DZIP3: variants seen among roughly 807,000 people sequenced by gnomAD.
The protein encoded by DZIP3 is E3 ubiquitin-protein ligase DZIP3.
Under a neutral mutation model 162.0 loss-of-function variants are expected in DZIP3, and 118 were observed. The observed-to-expected ratio is 0.73, with a 90% CI of 0.63 to 0.85. The LOEUF (loss-of-function observed/expected upper bound fraction) is 0.85, where lower values mean the gene tolerates loss of function less well. Ranked by LOEUF, DZIP3 falls within the 40% of genes least tolerant of loss-of-function variation. DZIP3 has a pLI of 0.00. For missense variants in DZIP3, 1,331 were observed against 1,407.0 expected (o/e 0.95, Z 0.86); for synonymous variants, 438 against 458.6 (o/e 0.96, Z 0.57).
At chr3:108,636,289 C>T (rs950998992) in intron 10 of DZIP3, among the ~76,000 whole-genome samples, 4 of 151,894 alleles carry the variant, frequency 2.6e-5, no homozygotes, top group Admixed American at 1.3e-4. Context: ...AGAATCCTCA[C>T]GTATCTGATA....
At chr3:108,662,412 G>A (rs1213756039) in intron 21 of DZIP3, among the ~76,000 whole-genome samples, 155 bp downstream of exon 21, 1 of 152,158 alleles carries the variant, frequency 6.6e-6, no homozygotes, top group African/African-American at 2.4e-5. Flanking sequence ...CCATATTTTT[G>A]TCTTGCCAAC....
In DZIP3 at chr3:108,644,672, G is replaced by A; in HGVS notation, c.1650G>A (p.Val550=). The A allele has an allele frequency of 6.2e-7, 1 of 1,613,880 alleles. No individual in the cohort carries two copies. Among genetic ancestry groups the A allele is most frequent in the Non-Finnish European group, 8.5e-7 (1 of 1,179,938 alleles). ...LGMMQEDIDK[V]KENPIENISL... ...TGATGCAAGAGGATATTGACAAAGTGAAGGAGAATCCCATTGAGAATATCT... is the reference window on the plus strand; with the variant it reads ...TGATGCAAGAGGATATTGACAAAGTAAAGGAGAATCCCATTGAGAATATCT... Residue 550 remains valine (V), a synonymous_variant, in exon 14 of 33, where the codon GTG becomes GTA. Transcript: ENST00000361582.
At chr3:108,682,593 T>A (rs757749430) in intron 26 of DZIP3, among the ~76,000 whole-genome samples, 2 of 150,422 alleles carry the variant, frequency 1.3e-5, no homozygotes, top group Non-Finnish European at 2.9e-5. Context: ...GAAAAAACAG[T>A]GGTTACCAGA....
chr3:108,629,847 CATT>C (rs1314760117), intron 8 of DZIP3, among the ~76,000 whole-genome samples: 2 of 151,348 alleles, frequency 1.3e-5, no homozygotes, highest in African/African-American at 4.8e-5. Context: ...ATTTCTCAGT[CATT>C]AGACTATTAT....
At chr3:108,617,067 C>T (rs536211352) in intron 5 of DZIP3, among the ~76,000 whole-genome samples, 2 of 152,248 alleles carry the variant, frequency 1.3e-5, no homozygotes, top group East Asian at 3.9e-4. Context: ...AGGAGCTGAA[C>T]TCACAGAAGC....
intron 8 of DZIP3, among the ~76,000 whole-genome samples, chr3:108,631,043 ACACACACACACACT>A (rs1185469715): frequency 6.6e-5 from 6 of 90,242 alleles, no homozygotes; most frequent in Admixed American, 2.5e-4. Context: ...ACACACACAC[ACACACACACACACT>A]CTCTCTCTCT....
At chr3:108,620,598 T>C (rs1019562845) in intron 5 of DZIP3, among the ~76,000 whole-genome samples, 14 of 152,190 alleles carry the variant, frequency 9.2e-5, no homozygotes, top group Non-Finnish European at 1.9e-4. Flanking sequence ...AAATCTCTCT[T>C]ATGACTTTTA....
chr3:108,643,448 G>C (rs1214200008), intron 13 of DZIP3, among the ~76,000 whole-genome samples: 1 of 151,898 alleles, frequency 6.6e-6, no homozygotes, highest in Non-Finnish European at 1.5e-5. Context: ...CGGCAATTTT[G>C]TTAAAAGGCA....
chr3:108,650,587 A>T (rs1399422123), intron 17 of DZIP3, among the ~76,000 whole-genome samples: 1 of 151,828 alleles, frequency 6.6e-6, no homozygotes, highest in East Asian at 1.9e-4. Flanking sequence ...TTTAATGAAC[A>T]TAAAATTTAG....
In DZIP3 at chr3:108,694,810, T is replaced by C. The variant is rs557322117; in HGVS notation, c.*1457T>C. 4.3e-4 allele frequency: 66 copies of C among 152,336 alleles called. No individual in the cohort carries two copies. The highest frequency in any genetic ancestry group is 1.6e-3 in the African/African-American group (65 of 41,580). The allele number at this position is 152,336 out of a possible 1,614,324, so 9.4% of individuals were successfully genotyped here. A position where few individuals can be genotyped will look rare whatever the true frequency, so the allele number is the denominator to read the frequency against. ...ACTTACAACTGCAATTTCACTTTCATTTAGAAAAGAATAAATGTTTCTTAA... is the reference window on the plus strand; with the variant it reads ...ACTTACAACTGCAATTTCACTTTCACTTAGAAAAGAATAAATGTTTCTTAA... On this transcript the variant is annotated 3_prime_UTR_variant, in exon 33 of 33. Coordinates refer to ENST00000361582, the MANE Select transcript of DZIP3 (RefSeq NM_014648.4).
Position 108,677,543 on chromosome 3 carries a change from T to C in DZIP3, c.2828T>C (p.Leu943Ser). The change falls in exon 26 of 33, where the codon TTG becomes TCG. Residue 943 changes from leucine to serine, a missense_variant. This residue lies in a region of DZIP3 where 1,278 missense variants were observed against 1,317.1 expected (regional missense o/e 0.97). Transcript: ENST00000361582. ...QINKVKQGFA[L>S]STLPPVQLPP... is the part of the protein sequence containing the mutation. ...AACAAAGTCAAGCAAGGATTTGCCT[T>C]GAGTACCTTGCCTCCAGTCCAGCTT... 1.9e-6 allele frequency: 3 copies of C among 1,612,800 alleles called. No homozygotes were observed. The highest frequency in any genetic ancestry group is 1.7e-6 in the Non-Finnish European group (2 of 1,179,064).
intron 26 of DZIP3, 102 bp from the exon 27 acceptor site, chr3:108,684,113 TC>T (rs1034883055): frequency 4.6e-5 from 60 of 1,313,652 alleles, no homozygotes; most frequent in Admixed American, 1.7e-4. Context: ...AAATGAGTGT[TC>T]CCCCCGCCAT....
chr3:108,650,271 A>G (rs1942804935), intron 17 of DZIP3, among the ~76,000 whole-genome samples: 1 of 151,860 alleles, frequency 6.6e-6, no homozygotes, highest in Non-Finnish European at 1.5e-5. Flanking sequence ...TGAACAACCA[A>G]AAGTCTTTTC....
At chr3:108,692,621 A>G (rs1172631176) in intron 32 of DZIP3, among the ~76,000 whole-genome samples, 1 of 152,074 alleles carries the variant, frequency 6.6e-6, no homozygotes, top group African/African-American at 2.4e-5. Flanking sequence ...AAAGTTTCCC[A>G]TGTGCCAGTA....
At chr3:108,639,844 AT>A (rs201353629) in intron 12 of DZIP3, among the ~76,000 whole-genome samples, 3,151 of 149,620 alleles carry the variant, frequency 0.021, 106 homozygotes, top group African/African-American at 0.068. Context: ...ATTTGCTTTG[AT>A]TTTTTTTTAA....
upstream of DZIP3, chr3:108,589,530 G>C (rs934522363): frequency 3.7e-6 from 2 of 544,488 alleles, no homozygotes; most frequent in Non-Finnish European, 6.5e-6. Flanking sequence ...CACCCTAGGG[G>C]ACCGTTCTCG....
chr3:108,628,659 A>G (rs1364512004), intron 7 of DZIP3, among the ~76,000 whole-genome samples: 4 of 152,178 alleles, frequency 2.6e-5, no homozygotes, highest in Non-Finnish European at 5.9e-5. Flanking sequence ...TTCAGCACGG[A>G]TTATGGCCAT....
rs975485936 is a variant in DZIP3 at position 108,605,292 on chromosome 3, G to A, written c.-72-43G>A. 6.6e-6 allele frequency: 9 copies of A among 1,363,952 alleles called. No individual in the cohort carries two copies. The Admixed American group carries it at 1.0e-4, about 15-fold the overall frequency. 84.5% of individuals were successfully genotyped at this position (1,363,952 alleles called of 1,614,324 possible). ...TCTGTTTTCATAGTGGGGAGAAAGA[G>A]TGTAACTTTCCTATCTTCATAAAAA... On this transcript the variant is annotated intron_variant, in intron 1 of 32. Transcript: ENST00000361582.
intron 21 of DZIP3, among the ~76,000 whole-genome samples, chr3:108,664,080 G>A (rs1008926396): frequency 1.3e-5 from 2 of 152,140 alleles, no homozygotes; most frequent in East Asian, 3.9e-4. Flanking sequence ...TCTAGAAGAC[G>A]GAATAAGAAA....
Sources: allele counts gnomAD v4.1 joint callset (sites outside exome capture counted in the v4.1 genomes callset), GRCh38; gene constraint gnomAD v4.1.1; regional missense constraint gnomAD v4.1.1; transcripts MANE v1.5; gene names NCBI Gene and HGNC (gene_info 2026-07-23, HGNC 2026-07-21).